The following UBE2E3 variants were observed in gnomAD, a reference collection of about 807,000 sequenced individuals.
UBE2E3 encodes ubiquitin conjugating enzyme E2 E3, also known as ubiquitin-conjugating enzyme E2 E3.
In UBE2E3, 5 loss-of-function variants were observed where a neutral mutation model predicts 23.6. The observed-to-expected ratio is 0.21, with a 90% CI of 0.11 to 0.44. The LOEUF (loss-of-function observed/expected upper bound fraction) is 0.44. UBE2E3 is among the 20% of genes least tolerant of loss of function. UBE2E3 has a pLI of 0.99. For missense variants in UBE2E3, 81 were observed against 249.8 expected, an observed-to-expected ratio of 0.32 and a Z score of 4.55; for synonymous variants, 78 against 87.5, an observed-to-expected ratio of 0.89 and a Z score of 0.60.
chr2:181,047,056 C>A (rs2105468833), intron 3 of UBE2E3, among the ~76,000 whole-genome samples: 1 of 152,208 alleles, frequency 6.6e-6, no homozygotes, highest in Non-Finnish European at 1.5e-5. Context: ...AGAGTTAGTT[C>A]ATATTGCCAG....
chr2:181,006,361 G>A (rs1230382472), intron 3 of UBE2E3, among the ~76,000 whole-genome samples: 2 of 128,450 alleles, frequency 1.6e-5, no homozygotes, highest in Non-Finnish European at 1.6e-5. Context: ...TATGCATTCT[G>A]TTCATATTGT....
chr2:181,007,430 A>G (rs1050076963), intron 3 of UBE2E3, among the ~76,000 whole-genome samples: 1 of 152,224 alleles, frequency 6.6e-6, no homozygotes, highest in Non-Finnish European at 1.5e-5. Flanking sequence ...TTATAAATAT[A>G]AGAGAGTAGA....
At position 181,062,772 on chromosome 2, in the gene UBE2E3, G is replaced by A; in HGVS notation, c.527-19G>A. The A allele has an allele frequency of 1.3e-6, 2 of 1,531,348 alleles. No individual in the cohort carries two copies. The highest frequency in any genetic ancestry group is 1.8e-6 in the Non-Finnish European group (2 of 1,111,982). 94.9% of individuals were successfully genotyped at this position (1,531,348 alleles called of 1,614,324 possible). On this transcript the variant is annotated intron_variant, in intron 5 of 5. Transcript: ENST00000410062. The stretch of plus-strand genomic sequence containing the variant: ...AAGATACCACAAAATAGCTTTTAAT[G>A]TTCTTTCTGCTTTTCCAGCGGATCC...
intron 3 of UBE2E3, among the ~76,000 whole-genome samples, chr2:181,009,024 A>G (rs1685236305): frequency 6.6e-6 from 1 of 151,938 alleles, no homozygotes; most frequent in African/African-American, 2.4e-5. Context: ...AGCAGTGCTA[A>G]GGATACTTAT....
At chr2:180,982,498 A>G (rs564080253) in intron 2 of UBE2E3, among the ~76,000 whole-genome samples, 19 of 152,318 alleles carry the variant, frequency 1.2e-4, no homozygotes, top group African/African-American at 4.3e-4. Context: ...ACATTCTGAC[A>G]GATTGTTTAA....
intron 3 of UBE2E3, among the ~76,000 whole-genome samples, chr2:181,000,551 A>T (rs74268926): frequency 0.36 from 52,085 of 146,686 alleles, 10,249 homozygotes; most frequent in East Asian, 0.53. Flanking sequence ...ACCTTAAAGA[A>T]TAACCTTTTT....
At chr2:181,035,215 C>G (rs1686230638) in intron 3 of UBE2E3, among the ~76,000 whole-genome samples, 1 of 152,066 alleles carries the variant, frequency 6.6e-6, no homozygotes, top group South Asian at 2.1e-4. Flanking sequence ...GTGAAACCTA[C>G]AAAGTAAAAC....
At chr2:181,020,186 C>T (rs1685631497) in intron 3 of UBE2E3, among the ~76,000 whole-genome samples, 2 of 151,442 alleles carry the variant, frequency 1.3e-5, no homozygotes, top group South Asian at 4.2e-4. Context: ...GAGGCTAGTT[C>T]TCCAGTATAA....
At chr2:181,054,650 T>C (rs973665651) in intron 3 of UBE2E3, among the ~76,000 whole-genome samples, 18 of 151,886 alleles carry the variant, frequency 1.2e-4, no homozygotes, top group Admixed American at 3.3e-4. Flanking sequence ...GGTACATCTT[T>C]TGCAAATATT....
intron 3 of UBE2E3, among the ~76,000 whole-genome samples, chr2:181,017,619 A>C (rs754655210): frequency 7.0e-6 from 1 of 143,280 alleles, no homozygotes; most frequent in East Asian, 2.1e-4. Context: ...GGATTCATCT[A>C]TGCCTTCCTA....
At chr2:180,984,280 A>C (rs577443103) in intron 3 of UBE2E3, among the ~76,000 whole-genome samples, 187 bp downstream of exon 3, 2 of 152,324 alleles carry the variant, frequency 1.3e-5, no homozygotes, top group South Asian at 4.1e-4. Context: ...TTTTAGCATA[A>C]GTATACATTG....
chr2:181,038,371 G>A (rs1465572748), intron 3 of UBE2E3, among the ~76,000 whole-genome samples: 2 of 152,096 alleles, frequency 1.3e-5, no homozygotes, highest in South Asian at 4.1e-4. Context: ...GTGTAAATAC[G>A]CTATGATGTT....
At chr2:181,025,161 T>C (rs1225300595) in intron 3 of UBE2E3, among the ~76,000 whole-genome samples, 1 of 151,910 alleles carries the variant, frequency 6.6e-6, no homozygotes, top group Non-Finnish European at 1.5e-5. Flanking sequence ...AAGTACTGTT[T>C]AGGATTAGAG....
Position 181,039,589 on chromosome 2 carries a change from G to C in UBE2E3, c.246-18104G>C, listed in dbSNP as rs375958956. Among the ~76,000 whole-genome samples, 72 of 152,144 alleles carry C rather than the reference G, an allele frequency of 4.7e-4. 1 individual carries two copies. In the South Asian group the frequency reaches 0.015, roughly 31 times the overall value. ...AGTTTGAGACCATCCTGAGCAACAT[G>C]GCGAGACTCCCATCTCTACAAAAAA... On this transcript the variant is annotated intron_variant, in intron 3 of 5. Coordinates refer to ENST00000410062, the MANE Select transcript of UBE2E3 (RefSeq NM_006357.4).
At chr2:181,057,598 GA>G (rs1227724805) in intron 3 of UBE2E3, 94 bp from the exon 4 acceptor site, 7 of 1,027,014 alleles carry the variant, frequency 6.8e-6, no homozygotes, top group Non-Finnish European at 1.0e-5. Context: ...TATTGCTCTA[GA>G]TTGCTAATTT....
intron 3 of UBE2E3, among the ~76,000 whole-genome samples, chr2:181,012,696 A>C (rs1051760905): frequency 6.6e-6 from 1 of 152,138 alleles, no homozygotes; most frequent in African/African-American, 2.4e-5. Flanking sequence ...ACATATACCC[A>C]TATCCCTAGT....
At chr2:181,039,769 T>C (rs1686425092) in intron 3 of UBE2E3, among the ~76,000 whole-genome samples, 1 of 152,144 alleles carries the variant, frequency 6.6e-6, no homozygotes, top group South Asian at 2.1e-4. Context: ...GTGGTATCCT[T>C]GGGGGATTGG....
At chr2:181,002,858 A>G (rs1574171311) in intron 3 of UBE2E3, among the ~76,000 whole-genome samples, 1 of 152,182 alleles carries the variant, frequency 6.6e-6, no homozygotes, top group Non-Finnish European at 1.5e-5. Context: ...CATAGATTTC[A>G]AGAACTGGGG....
intron 3 of UBE2E3, among the ~76,000 whole-genome samples, chr2:181,002,134 A>C (rs1159066545): frequency 6.6e-6 from 1 of 152,174 alleles, no homozygotes; most frequent in Non-Finnish European, 1.5e-5. Flanking sequence ...AATAGTAGGG[A>C]TGAGGTTGAC....
Sources: allele counts gnomAD v4.1 joint callset (sites outside exome capture counted in the v4.1 genomes callset), GRCh38; gene constraint gnomAD v4.1.1; transcripts MANE v1.5; gene names NCBI Gene and HGNC (gene_info 2026-07-23, HGNC 2026-07-21).